The following KLHL32 variants were observed in gnomAD, a reference collection of about 807,000 sequenced individuals.
KLHL32 encodes kelch like family member 32.
In KLHL32, 35 loss-of-function variants were observed where a neutral mutation model predicts 64.8. The observed-to-expected ratio is 0.54, with a 90% CI of 0.41 to 0.72. The LOEUF (loss-of-function observed/expected upper bound fraction) is 0.72, where lower values mean the gene tolerates loss of function less well. Among genes scored for constraint, KLHL32 ranks in the 30% least tolerant of loss-of-function variants. The probability of loss-of-function intolerance (pLI) is 0.00; values close to 1 mark genes in which losing one functional copy is unlikely to be tolerated. For missense variants in KLHL32, 589 were observed against 768.5 expected, an observed-to-expected ratio of 0.77 and a Z score of 2.76; for synonymous variants, 259 against 281.0, an observed-to-expected ratio of 0.92 and a Z score of 0.78.
chr6:97,075,317 C>T (rs1791428342), intron 5 of KLHL32, among the ~76,000 whole-genome samples: 2 of 152,144 alleles, frequency 1.3e-5, no homozygotes, highest in African/African-American at 2.4e-5. Context: ...TCATTACATA[C>T]AGTTGTCCAT....
chr6:97,126,717 G>A (rs913241343), intron 7 of KLHL32, among the ~76,000 whole-genome samples: 4 of 151,978 alleles, frequency 2.6e-5, no homozygotes, highest in African/African-American at 9.7e-5. Context: ...TGAAGACTTA[G>A]TATGAAAAAA....
chr6:97,004,128 A>G (rs1209287), intron 3 of KLHL32, among the ~76,000 whole-genome samples: 14,198 of 152,158 alleles, frequency 0.093, 716 homozygotes, highest in Non-Finnish European at 0.12. Context: ...ATGTTTTTCC[A>G]TTTGTTTGTA....
chr6:97,135,299 ATTTTTTTTTTTT>A, intron 10 of KLHL32, among the ~76,000 whole-genome samples: 2 of 109,572 alleles, frequency 1.8e-5, no homozygotes, highest in South Asian at 6.5e-4. Context: ...AAATTTGTTA[ATTTTTTTTTTTT>A]TTTTTTTTTT....
At chr6:97,004,275 T>C (rs1779393790) in intron 3 of KLHL32, among the ~76,000 whole-genome samples, 1 of 152,212 alleles carries the variant, frequency 6.6e-6, no homozygotes, top group African/African-American at 2.4e-5. Context: ...GGCTTTCAGC[T>C]TGGACGTTGT....
intron 1 of KLHL32, among the ~76,000 whole-genome samples, chr6:96,949,987 AG>A (rs1421914927): frequency 6.6e-6 from 1 of 152,096 alleles, no homozygotes; most frequent in Non-Finnish European, 1.5e-5. Context: ...CTTGCTGTTC[AG>A]TTACTCTGTA....
intron 1 of KLHL32, among the ~76,000 whole-genome samples, chr6:96,955,511 AT>A (rs558832162): frequency 3.9e-4 from 60 of 152,318 alleles, no homozygotes; most frequent in Non-Finnish European, 7.2e-4. Flanking sequence ...GATGAAAAAA[AT>A]ATTTTAAATT....
chr6:97,005,650 G>A (rs919556934), intron 3 of KLHL32, among the ~76,000 whole-genome samples: 1 of 152,088 alleles, frequency 6.6e-6, no homozygotes, highest in Non-Finnish European at 1.5e-5. Context: ...GTCTGCTTTA[G>A]CTGTGTCCCA....
Position 97,000,987 on chromosome 6 carries a change from A to G in KLHL32, c.204+24810A>G, listed in dbSNP as rs577843552. Among the ~76,000 whole-genome samples, 8 of 152,342 alleles carry G rather than the reference A, an allele frequency of 5.3e-5. No homozygotes were observed. In the South Asian group the frequency reaches 1.2e-3, roughly 24 times the overall value. On this transcript the variant is annotated intron_variant, in intron 3 of 10. Coordinates refer to ENST00000369261, the MANE Select transcript of KLHL32 (RefSeq NM_052904.4). Reference sequence around the variant, plus strand: ...ATGACATTCTGGAAAAGGCAAAACTATGGAGACAATAAAAGGTCAGTGTTT... The same window carrying G: ...ATGACATTCTGGAAAAGGCAAAACTGTGGAGACAATAAAAGGTCAGTGTTT...
chr6:97,121,023 G>T (rs1488167469), intron 7 of KLHL32, among the ~76,000 whole-genome samples: 1 of 152,184 alleles, frequency 6.6e-6, no homozygotes, highest in Non-Finnish European at 1.5e-5. Flanking sequence ...TTAAAGGAAA[G>T]AAAGCAATCA....
intron 5 of KLHL32, among the ~76,000 whole-genome samples, chr6:97,072,016 G>A (rs1790815178): frequency 6.6e-6 from 1 of 152,104 alleles, no homozygotes. Context: ...TATTCTGACT[G>A]TACCCCATGG....
At chr6:97,101,840 C>T (rs968056583) in intron 6 of KLHL32, among the ~76,000 whole-genome samples, 3 of 152,162 alleles carry the variant, frequency 2.0e-5, no homozygotes, top group Admixed American at 6.5e-5. Flanking sequence ...AGCAATCTCT[C>T]AAAATTTACA....
chr6:97,033,022 G>A (rs1215464151), intron 3 of KLHL32, among the ~76,000 whole-genome samples: 1 of 151,276 alleles, frequency 6.6e-6, no homozygotes, highest in Non-Finnish European at 1.5e-5. Context: ...CTTTTAGCCA[G>A]GGAATACATA....
chr6:96,901,487 C>G, the KLHL32 span, among the ~76,000 whole-genome samples: 1 of 152,128 alleles, frequency 6.6e-6, no homozygotes, highest in Non-Finnish European at 1.5e-5. Flanking sequence ...TACATTGGAC[C>G]TGCGTGGATA....
At chr6:96,928,932 A>G (rs1769504773) in intron 1 of KLHL32, among the ~76,000 whole-genome samples, 1 of 152,240 alleles carries the variant, frequency 6.6e-6, no homozygotes, top group Non-Finnish European at 1.5e-5. Context: ...TGTGGGCTGT[A>G]AACCATTTGA....
chr6:97,137,882 A>G (rs954797617), intron 10 of KLHL32, among the ~76,000 whole-genome samples: 9 of 152,174 alleles, frequency 5.9e-5, no homozygotes, highest in Non-Finnish European at 1.2e-4. Flanking sequence ...AGATGAAGGC[A>G]TGAGAGTGGA....
chr6:97,127,592 G>T, intron 8 of KLHL32, 130 bp downstream of exon 8: 1 of 783,990 alleles, frequency 1.3e-6, no homozygotes, highest in South Asian at 1.7e-5. Flanking sequence ...AGAAAAGGAA[G>T]CATCTGAATA....
chr6:96,969,516 C>T (rs1055262586), intron 2 of KLHL32, among the ~76,000 whole-genome samples: 1 of 152,130 alleles, frequency 6.6e-6, no homozygotes, highest in Non-Finnish European at 1.5e-5. Flanking sequence ...TCCAGATGAA[C>T]CGATCTATTC....
At chr6:97,048,507 A>T (rs1473634756) in intron 4 of KLHL32, among the ~76,000 whole-genome samples, 1 of 152,228 alleles carries the variant, frequency 6.6e-6, no homozygotes, top group African/African-American at 2.4e-5. Flanking sequence ...CTGTTAAGGG[A>T]AAAATTACTT....
chr6:96,973,730 C>CTTTTT lies in KLHL32; in HGVS notation c.24-2260_24-2256dup, dbSNP rs558193523. Among the ~76,000 whole-genome samples, 190 of 118,256 alleles carry CTTTTT rather than the reference C, an allele frequency of 1.6e-3. 9 individuals carry two copies. Among genetic ancestry groups the CTTTTT allele is most frequent in the African/African-American group, 2.8e-3 (87 of 30,766 alleles). 77.6% of individuals were successfully genotyped at this position (118,256 alleles called of 152,430 possible). ...GATTTTTGAGATCTTTACAGATTGC[C>CTTTTT]TTTTTTTTTTTAGACAGAGTCTCGC... On this transcript the variant is annotated intron_variant, in intron 2 of 10. Transcript: ENST00000369261.
Sources: gnomAD v4.1 joint callset for allele counts (sites outside exome capture counted in the v4.1 genomes callset) on GRCh38, gnomAD v4.1.1 for gene constraint, MANE v1.5 for transcripts, NCBI Gene and HGNC (gene_info 2026-07-23, HGNC 2026-07-21) for gene names.